Variants in SCYL3 observed in about 807,000 individuals in gnomAD.
The protein encoded by SCYL3 is protein-associating with the carboxyl-terminal domain of ezrin.
In SCYL3, 35 loss-of-function variants were observed where a neutral mutation model predicts 73.8. That is an observed-to-expected ratio of 0.47 (90% CI 0.36 to 0.63). SCYL3 has a LOEUF of 0.63. SCYL3 is among the 20% of genes least tolerant of loss of function. The pLI, the probability that SCYL3 is intolerant of heterozygous loss-of-function variation, is 0.00. For missense variants in SCYL3, 712 were observed against 798.9 expected (o/e 0.89, Z 1.31); for synonymous variants, 277 against 295.2 (o/e 0.94, Z 0.63).
intron 2 of SCYL3, among the ~76,000 whole-genome samples, chr1:169,883,409 G>A (rs1165508638): frequency 6.6e-6 from 1 of 152,150 alleles, no homozygotes; most frequent in African/African-American, 2.4e-5. Flanking sequence ...TGTCCTCTAG[G>A]TCCTAACATG....
chr1:169,866,857 C>A, intron 8 of SCYL3, 39 bp downstream of exon 8: 1 of 1,120,276 alleles, frequency 8.9e-7, no homozygotes, highest in South Asian at 1.3e-5. Context: ...GGACTTAATC[C>A]AAGTTATTCA....
chr1:169,855,204 T>C (rs9287097), intron 11 of SCYL3, among the ~76,000 whole-genome samples: 107,436 of 152,132 alleles, frequency 0.71, 38,140 homozygotes, highest in Middle Eastern at 0.85. Flanking sequence ...TAATAACTAG[T>C]GCATTCAATC....
Position 169,878,771 on chromosome 1 carries a change from T to A in SCYL3, c.214A>T (p.Thr72Ser), listed in dbSNP as rs201886637. 755 of 1,613,828 alleles carry A rather than the reference T, an allele frequency of 4.7e-4. 10 individuals are homozygous for A. In the South Asian group the frequency reaches 7.9e-3, roughly 17 times the overall value. ...HPCLLRFLSCTVEADGIHLVT... is the reference protein window; with the variant it reads ...HPCLLRFLSCSVEADGIHLVT... Reference sequence around the variant, plus strand: ...AGATGAATGCCATCCGCTTCCACAGTACAAGATAAAAATCTTAGCAAGCAA... The same window carrying A: ...AGATGAATGCCATCCGCTTCCACAGAACAAGATAAAAATCTTAGCAAGCAA... The change falls in exon 3 of 13, where the codon ACT (threonine) becomes TCT (serine). Residue 72 changes from threonine to serine, a missense_variant. Thr to Ser is a moderately conservative substitution (Grantham distance 58). Around this residue, in one of 2 missense-constraint regions of SCYL3, gnomAD observed 342 missense variants for 448.1 expected, o/e 0.76. Coordinates refer to ENST00000367771, the MANE Select transcript of SCYL3 (RefSeq NM_020423.7).
chr1:169,893,804 G>C lies in SCYL3; in HGVS notation c.-67C>G, dbSNP rs945355700. 6.5e-6 allele frequency: 1 copy of C among 152,998 alleles called. No homozygotes were observed. The highest frequency in any genetic ancestry group is 1.5e-5 in the Non-Finnish European group (1 of 68,726). The allele number at this position is 152,998 out of a possible 1,614,324, so 9.5% of individuals were successfully genotyped here. A position where few individuals can be genotyped will look rare whatever the true frequency, so the allele number is the denominator to read the frequency against. ...CCCTGTTACCTGCAGGAAGGCGGCG[G>C]GGGAGGAGGCCGAGGGTCTTGGCTC... On this transcript the variant is annotated 5_prime_UTR_variant, in exon 1 of 13. Transcript: ENST00000367771.
rs1657907437 is a variant in SCYL3 at position 169,850,017 on chromosome 1, C to G, written c.*3696G>C. On this transcript the variant is annotated 3_prime_UTR_variant, in exon 13 of 13. Coordinates refer to ENST00000367771, the MANE Select transcript of SCYL3 (RefSeq NM_020423.7). ...TTTGCTGTATAGTCATGCCTATGAT[C>G]ATAAGGGAGTCCAGAAGCATTAGTA... 3 of 530,514 alleles carry G rather than the reference C, an allele frequency of 5.7e-6. No homozygotes were observed. Among genetic ancestry groups the G allele is most frequent in the Non-Finnish European group, 1.0e-5 (3 of 297,372 alleles). 32.9% of individuals were successfully genotyped at this position (530,514 alleles called of 1,614,324 possible). A position where few individuals can be genotyped will look rare whatever the true frequency, so the allele number is the denominator to read the frequency against.
rs753459771 is a variant in SCYL3 at position 169,850,335 on chromosome 1, T to G, written c.*3378A>C. On this transcript the variant is annotated 3_prime_UTR_variant, in exon 13 of 13. Coordinates refer to ENST00000367771, the MANE Select transcript of SCYL3 (RefSeq NM_020423.7). ...GAAACTAAGAACAAAGTTGTATCCTTTCTGGAGAAGGTACTTTCTTTACAT... is the reference window on the plus strand; with the variant it reads ...GAAACTAAGAACAAAGTTGTATCCTGTCTGGAGAAGGTACTTTCTTTACAT... 1 of 1,605,222 alleles carries G rather than the reference T, an allele frequency of 6.2e-7. No homozygotes were observed. Among genetic ancestry groups the G allele is most frequent in the Non-Finnish European group, 8.5e-7 (1 of 1,172,236 alleles).
At chr1:169,854,051 TA>T (rs1658837940) in intron 12 of SCYL3, 6 of 566,168 alleles carry the variant, frequency 1.1e-5, no homozygotes, top group Non-Finnish European at 1.8e-5. Flanking sequence ...CTTTTTCAAA[TA>T]AAAAGGTTAC....
intron 8 of SCYL3, 98 bp from the exon 9 acceptor site, chr1:169,864,606 C>A: frequency 3.4e-6 from 4 of 1,174,554 alleles, no homozygotes; most frequent in Non-Finnish European, 4.7e-6. Flanking sequence ...TCACTTCTAT[C>A]AAAGTGATGC....
At chr1:169,876,240 C>T (rs1660795439) in intron 3 of SCYL3, 149 bp from the exon 4 acceptor site, 3 of 477,456 alleles carry the variant, frequency 6.3e-6, no homozygotes, top group South Asian at 7.6e-5. Context: ...AGCCTTCCCA[C>T]TTGTGGCATA....
chr1:169,858,032 G>A (rs57790494), intron 11 of SCYL3, among the ~76,000 whole-genome samples: 4,219 of 152,142 alleles, frequency 0.028, 209 homozygotes, highest in African/African-American at 0.096. Context: ...TGAAGGCCTA[G>A]GATATTACTG....
At chr1:169,860,473 C>G (rs994947095) in intron 10 of SCYL3, among the ~76,000 whole-genome samples, 3 of 152,220 alleles carry the variant, frequency 2.0e-5, no homozygotes, top group Non-Finnish European at 4.4e-5. Context: ...TGGTTTTGGT[C>G]TTAGCTCTGC....
chr1:169,863,899 C>G (rs945047849), intron 9 of SCYL3, among the ~76,000 whole-genome samples: 5 of 152,038 alleles, frequency 3.3e-5, no homozygotes, highest in African/African-American at 1.2e-4. Context: ...TTGTTACCAT[C>G]TCTAGTGCTA....
At chr1:169,860,627 T>C (rs754999409) in intron 10 of SCYL3, among the ~76,000 whole-genome samples, 2 of 152,236 alleles carry the variant, frequency 1.3e-5, no homozygotes, top group Non-Finnish European at 2.9e-5. Flanking sequence ...TTTCTGTACA[T>C]GTAAACTAAA....
chr1:169,892,845 C>A (rs1275669951), intron 1 of SCYL3, among the ~76,000 whole-genome samples: 2 of 152,212 alleles, frequency 1.3e-5, no homozygotes, highest in Non-Finnish European at 2.9e-5. Flanking sequence ...CAAATATTTT[C>A]TTTTCCCAGC....
chr1:169,874,323 A>C (rs1660639151), intron 4 of SCYL3, among the ~76,000 whole-genome samples: 1 of 152,304 alleles, frequency 6.6e-6, no homozygotes, highest in Middle Eastern at 3.4e-3. Flanking sequence ...GAATGCAATA[A>C]AGTTTCTGCC....
chr1:169,882,481 G>A (rs957150947), intron 2 of SCYL3, among the ~76,000 whole-genome samples: 1 of 152,208 alleles, frequency 6.6e-6, no homozygotes, highest in Non-Finnish European at 1.5e-5. Context: ...CCACCCAAAG[G>A]GCTGAGGAGT....
At chr1:169,857,954 T>C (rs1659319477) in intron 11 of SCYL3, among the ~76,000 whole-genome samples, 1 of 152,170 alleles carries the variant, frequency 6.6e-6, no homozygotes, top group Admixed American at 6.5e-5. Flanking sequence ...ATACATGGTA[T>C]ACCTGTATAG....
At chr1:169,879,631 G>A (rs912314595) in intron 2 of SCYL3, among the ~76,000 whole-genome samples, 6 of 152,140 alleles carry the variant, frequency 3.9e-5, no homozygotes, top group Admixed American at 6.6e-5. Context: ...ATGTGACATC[G>A]TATTCAAAAT....
chr1:169,889,306 A>C (rs1245927477), intron 1 of SCYL3, among the ~76,000 whole-genome samples: 1 of 152,234 alleles, frequency 6.6e-6, no homozygotes, highest in Non-Finnish European at 1.5e-5. Flanking sequence ...AAAGGAAAAC[A>C]ATACAAATTG....
Sources: gnomAD v4.1 joint callset for allele counts (sites outside exome capture counted in the v4.1 genomes callset) on GRCh38, gnomAD v4.1.1 for gene constraint, gnomAD v4.1.1 regional missense constraint, MANE v1.5 for transcripts, NCBI Gene and HGNC (gene_info 2026-07-23, HGNC 2026-07-21) for gene names.